Variants in LRP1 observed in about 807,000 individuals in gnomAD.
The protein encoded by LRP1 is LDL receptor related protein 1, also known as prolow-density lipoprotein receptor-related protein 1.
Under a neutral mutation model 541.5 loss-of-function variants are expected in LRP1, and 51 were observed. The ratio of observed to expected loss-of-function variants is 0.09; its 90% CI spans 0.08 to 0.12. The LOEUF (loss-of-function observed/expected upper bound fraction) is 0.12. Ranked by LOEUF, LRP1 falls within the 10% of genes least tolerant of loss-of-function variation. The pLI is 1.00. For synonymous variants in LRP1, 2,219 were observed against 2,470.8 expected (o/e 0.90, Z 3.02); for missense variants, 3,878 against 6,376.2 (o/e 0.61, Z 13.34).
At chr12:57,159,503 C>T (rs1368698281) in intron 11 of LRP1, among the ~76,000 whole-genome samples, 1 of 152,242 alleles carries the variant, frequency 6.6e-6, no homozygotes, top group Non-Finnish European at 1.5e-5. Flanking sequence ...CCCAGAGCCA[C>T]ATGCCCGTTG....
intron 17 of LRP1, 165 bp downstream of exon 17, chr12:57,166,374 G>A: frequency 1.1e-6 from 1 of 872,576 alleles, no homozygotes; most frequent in Non-Finnish European, 1.7e-6. Flanking sequence ...GGCCAACATA[G>A]TGAGACCTCC....
intron 43 of LRP1, 85 bp from the exon 44 acceptor site, chr12:57,191,235 C>A: frequency 7.3e-7 from 1 of 1,370,978 alleles, no homozygotes; most frequent in Non-Finnish European, 1.0e-6. Context: ...CTGTAGCTGT[C>A]AGAGGCCAGG....
Position 57,211,004 on chromosome 12 carries a change from AG to A in LRP1, c.12916+126del. The A allele has an allele frequency of 7.0e-7, 1 of 1,426,008 alleles. No homozygotes were observed. Among genetic ancestry groups the A allele is most frequent in the Non-Finnish European group, 9.4e-7 (1 of 1,059,596 alleles). 88.3% of individuals were successfully genotyped at this position (1,426,008 alleles called of 1,614,324 possible). On this transcript the variant is annotated intron_variant, in intron 83 of 88. Transcript: ENST00000243077. This position sits in a 1 kb window ranked among gnomAD's most constrained non-coding sequence, Gnocchi z 4.3. Reference sequence around the variant, plus strand: ...AAGTTCAGGAAAGAAGGCCTTATGCAGCTGAGCCAGGCCCAAGCTGCTGGCG... The same window carrying A: ...AAGTTCAGGAAAGAAGGCCTTATGCACTGAGCCAGGCCCAAGCTGCTGGCG...
intron 76 of LRP1, among the ~76,000 whole-genome samples, chr12:57,207,516 G>T (rs1169815034): frequency 6.7e-5 from 9 of 134,354 alleles, no homozygotes; most frequent in African/African-American, 2.3e-4. Context: ...GGATGATAGA[G>T]CGAGACTCCG....
chr12:57,150,314 C>G (rs1208659044), intron 6 of LRP1, among the ~76,000 whole-genome samples: 2 of 150,800 alleles, frequency 1.3e-5, no homozygotes, highest in Non-Finnish European at 2.9e-5. Context: ...GCCTCAGGCT[C>G]CCGAGTAGCT....
At position 57,201,817 on chromosome 12, in the gene LRP1, G is replaced by A. The variant is rs1422191819; in HGVS notation, c.10506G>A (p.Lys3502=). 2.5e-6 allele frequency: 4 copies of A among 1,614,038 alleles called. No individual in the cohort carries two copies. The highest frequency in any genetic ancestry group is 3.4e-6 in the Non-Finnish European group (4 of 1,180,028). Residue 3502 remains lysine, a synonymous_variant, in exon 67 of 89, where the codon AAG becomes AAA. Transcript: ENST00000243077. This position sits in a 1 kb window ranked among gnomAD's most constrained non-coding sequence, Gnocchi z 6.4. ...MTCGVDEFRC[K]DSGRCIPARW... is the part of the protein sequence containing the mutation. ...GTGGTGTGGACGAGTTCCGCTGCAA[G>A]GATTCGGGCCGCTGCATCCCAGCGC...
In LRP1 at chr12:57,211,268, T is replaced by A. The variant is rs762313009; in HGVS notation, c.13009T>A (p.Ser4337Thr). The A allele has an allele frequency of 2.3e-5, 37 of 1,614,024 alleles. 2 individuals are homozygous for A. The South Asian group carries it at 4.0e-4, about 17-fold the overall frequency. The part of the protein sequence containing the change: ...QCRCTAYFEG[S>T]RCEVNKCSRC... ...CCGCTGCACTGCCTACTTTGAGGGATCGAGGTGTGAGGTGAACAAGTGCAG... is the reference window on the plus strand; with the variant it reads ...CCGCTGCACTGCCTACTTTGAGGGAACGAGGTGTGAGGTGAACAAGTGCAG... The change falls in exon 84 of 89, where the codon TCG becomes ACG. Residue 4337 changes from serine to threonine, a missense_variant. Physicochemically the swap from Ser to Thr is moderately conservative, Grantham distance 58. Transcript: ENST00000243077. This position sits in a 1 kb window ranked among gnomAD's most constrained non-coding sequence, Gnocchi z 4.3.
chr12:57,133,754 G>A (rs766806311), intron 1 of LRP1, among the ~76,000 whole-genome samples: 1 of 151,612 alleles, frequency 6.6e-6, no homozygotes, highest in Admixed American at 6.6e-5. Flanking sequence ...CTTCTGCTGT[G>A]TCCACTCTTA....
In LRP1 at chr12:57,175,605, C is replaced by T; in HGVS notation, c.3693C>T (p.Leu1231=). ...TCCAGAGCTACTGTGCCAAGCATCT[C>T]AAATGCAGCCAAAAGTGCGACCAGA... ...CQIQSYCAKH[L]KCSQKCDQNK... Residue 1231 remains leucine (L), a synonymous_variant, in exon 23 of 89, where the codon CTC becomes CTT. Coordinates refer to ENST00000243077, the MANE Select transcript of LRP1 (RefSeq NM_002332.3). The T allele has an allele frequency of 6.2e-7, 1 of 1,613,422 alleles. No individual in the cohort carries two copies. The highest frequency in any genetic ancestry group is 1.3e-5 in the African/African-American group (1 of 75,052).
At chr12:57,182,772 C>T (rs535443872) in intron 34 of LRP1, among the ~76,000 whole-genome samples, 181 of 151,846 alleles carry the variant, frequency 1.2e-3, no homozygotes, top group African/African-American at 3.9e-3. Context: ...GCCGAGATCG[C>T]GTCATTGTAC....
intron 44 of LRP1, 36 bp from the exon 45 acceptor site, chr12:57,192,809 A>C: frequency 6.2e-7 from 1 of 1,613,248 alleles, no homozygotes. Context: ...AGCAGAGAAC[A>C]CTCTCCAGCC....
At position 57,173,894 on chromosome 12, in the gene LRP1, A is replaced by T. The variant is rs749034996; in HGVS notation, c.3461A>T (p.Asn1154Ile). The change falls in exon 22 of 89, where the codon AAC (asparagine) becomes ATC (isoleucine). Residue 1154 changes from asparagine to isoleucine, a missense_variant. Asn to Ile is a moderately radical substitution (Grantham distance 149, BLOSUM62 -3). Coordinates refer to ENST00000243077, the MANE Select transcript of LRP1 (RefSeq NM_002332.3). This position sits in a 1 kb window ranked among gnomAD's most constrained non-coding sequence, Gnocchi z 4.7. ...AGGCCACCCTCGCACCCTTGTGCCA[A>T]CAACACCTCAGTCTGCCTGCCCCCT... The part of the protein sequence containing the change: ...ACRPPSHPCA[N>I]NTSVCLPPDK... 52 of 1,614,118 alleles carry T rather than the reference A, an allele frequency of 3.2e-5. No homozygotes were observed. In the Admixed American group the frequency reaches 8.0e-4, roughly 25 times the overall value.
chr12:57,206,815 G>T lies in LRP1; in HGVS notation c.11859+74G>T. 6.5e-7 allele frequency: 1 copy of T among 1,536,350 alleles called. No homozygotes were observed. The highest frequency in any genetic ancestry group is 1.4e-5 in the African/African-American group (1 of 73,870). ...GGCGGTTCAGAGCAGGATTTGAAAAGGGCAGTGCTGGCTAGGCGCAGTGGC... is the reference window on the plus strand; with the variant it reads ...GGCGGTTCAGAGCAGGATTTGAAAATGGCAGTGCTGGCTAGGCGCAGTGGC... On this transcript the variant is annotated intron_variant, in intron 76 of 88. Transcript: ENST00000243077. This position sits in a 1 kb window ranked among gnomAD's most constrained non-coding sequence, Gnocchi z 4.7.
At chr12:57,203,815 C>T in intron 70 of LRP1, 1 of 407,616 alleles carries the variant, frequency 2.5e-6, no homozygotes, top group Non-Finnish European at 4.3e-6. Context: ...CCCATCTAGG[C>T]CCCACCCCAC....
chr12:57,196,055 C>A (rs1310633274), intron 54 of LRP1, 32 bp from the exon 55 acceptor site: 6 of 1,610,252 alleles, frequency 3.7e-6, no homozygotes, highest in Non-Finnish European at 5.1e-6. Flanking sequence ...TGCCTGAGAC[C>A]CCGCTGACCT....
At position 57,189,637 on chromosome 12, in the gene LRP1, G is replaced by A. The variant is rs1267416118; in HGVS notation, c.7032-1168G>A. On this transcript the variant is annotated intron_variant, in intron 42 of 88. Transcript: ENST00000243077. This position sits in a 1 kb window ranked among gnomAD's most constrained non-coding sequence, Gnocchi z 4.4. ...AAGGGTGTGACCTGGAGAGGTCTGA[G>A]GAGACAAGTTCACAGGCCAGAGGAC... 6.6e-6 allele frequency among the ~76,000 whole-genome samples: 1 copy of A among 151,970 alleles called. No homozygotes were observed. Among genetic ancestry groups the A allele is most frequent in the Non-Finnish European group, 1.5e-5 (1 of 67,970 alleles).
rs761534560 is a variant in LRP1, at chr12:57,129,119, C to G, written c.67+88C>G. ...TGCATACGGATGGGGAAGGGAGACG[C>G]GGGAGGGGGTGCCTTTTGTTATCCC... On this transcript the variant is annotated intron_variant, in intron 1 of 88. Coordinates refer to ENST00000243077, the MANE Select transcript of LRP1 (RefSeq NM_002332.3). 2.9e-6 allele frequency: 4 copies of G among 1,356,074 alleles called. No homozygotes were observed. The South Asian group carries it at 3.8e-5, about 13-fold the overall frequency. The allele number at this position is 1,356,074 out of a possible 1,614,324, so 84.0% of individuals were successfully genotyped here.
In LRP1 at chr12:57,201,810, G is replaced by T; in HGVS notation, c.10499G>T (p.Arg3500Leu). 1 of 1,614,082 alleles carries T rather than the reference G, an allele frequency of 6.2e-7. No homozygotes were observed. The highest frequency in any genetic ancestry group is 1.3e-5 in the African/African-American group (1 of 75,034). The change falls in exon 67 of 89, where the codon CGC (arginine) becomes CTC (leucine). Residue 3500 changes from arginine (R) to leucine (L), a missense_variant. Arg to Leu is a moderately radical substitution (Grantham distance 102, BLOSUM62 -2). Around this residue, in one of 13 missense-constraint regions of LRP1, gnomAD observed 278 missense variants for 536.3 expected, o/e 0.52. Coordinates refer to ENST00000243077, the MANE Select transcript of LRP1 (RefSeq NM_002332.3). This position sits in a 1 kb window ranked among gnomAD's most constrained non-coding sequence, Gnocchi z 6.4. Reference protein sequence around the residue: ...TQMTCGVDEFRCKDSGRCIPA... With the variant: ...TQMTCGVDEFLCKDSGRCIPA... ...ATGACCTGTGGTGTGGACGAGTTCC[G>T]CTGCAAGGATTCGGGCCGCTGCATC...
rs2036117626 is a variant in LRP1, at chr12:57,179,490, G to A, written c.4900G>A (p.Val1634Met). The A allele has an allele frequency of 2.5e-6, 4 of 1,614,094 alleles. No homozygotes were observed. The highest frequency in any genetic ancestry group is 1.7e-5 in the Admixed American group (1 of 60,012). ...CGAGCAGCGTGTGTACTGGTCTGAC[G>A]TGCGGACACAGGCCATCAAGCGGGC... Reference protein sequence around the residue: ...AREQRVYWSDVRTQAIKRAFI... With the variant: ...AREQRVYWSDMRTQAIKRAFI... Residue 1634 changes from valine (V) to methionine (M), a missense_variant, in exon 29 of 89, where the codon GTG becomes ATG. Around this residue, in one of 13 missense-constraint regions of LRP1, gnomAD observed 394 missense variants for 635.9 expected, o/e 0.62. Transcript: ENST00000243077. This position sits in a 1 kb window ranked among gnomAD's most constrained non-coding sequence, Gnocchi z 6.8.
Sources: gnomAD v4.1 joint callset for allele counts (sites outside exome capture counted in the v4.1 genomes callset) on GRCh38, gnomAD v4.1.1 for gene constraint, gnomAD v4.1.1 regional missense constraint, Gnocchi (gnomAD v3.1) non-coding constraint, MANE v1.5 for transcripts, NCBI Gene and HGNC (gene_info 2026-07-23, HGNC 2026-07-21) for gene names.